Variants in HAT1 observed in about 807,000 individuals in gnomAD.
HAT1 encodes histone acetyltransferase type B catalytic subunit.
Under a neutral mutation model 56.6 loss-of-function variants are expected in HAT1, and 20 were observed. The ratio of observed to expected loss-of-function variants is 0.35; its 90% CI spans 0.25 to 0.51. The LOEUF is 0.51. Among genes scored for constraint, HAT1 ranks in the 20% least tolerant of loss-of-function variants. The probability of loss-of-function intolerance (pLI) is 0.95; values close to 1 mark genes in which losing one functional copy is unlikely to be tolerated. For missense variants in HAT1, 408 were observed against 504.3 expected, an observed-to-expected ratio of 0.81 and a Z score of 1.83; for synonymous variants, 146 against 165.5, an observed-to-expected ratio of 0.88 and a Z score of 0.91.
chr2:171,974,195 A>G (rs1351381878), intron 8 of HAT1, among the ~76,000 whole-genome samples: 17 of 57,082 alleles, frequency 3.0e-4, no homozygotes, highest in African/African-American at 5.4e-4. Flanking sequence ...AAAAAAAAGA[A>G]AAAAAGAAAA....
intron 2 of HAT1, among the ~76,000 whole-genome samples, chr2:171,942,306 AAGT>A (rs1687038563): frequency 6.6e-6 from 1 of 152,224 alleles, no homozygotes; most frequent in South Asian, 2.1e-4. Flanking sequence ...AAAATTTGGA[AAGT>A]AGATAAAAGT....
chr2:171,965,567 C>T (rs765160559), intron 5 of HAT1, 50 bp downstream of exon 5: 9 of 1,219,272 alleles, frequency 7.4e-6, no homozygotes, highest in Non-Finnish European at 1.0e-5. Context: ...TTGCCTGAAA[C>T]CTGTATGTAG....
chr2:171,945,950 A>G (rs1236850039), intron 2 of HAT1, among the ~76,000 whole-genome samples: 1 of 152,096 alleles, frequency 6.6e-6, no homozygotes, highest in Non-Finnish European at 1.5e-5. Context: ...GATTACAGGC[A>G]TGAGCCACTG....
At chr2:171,972,582 A>G (rs2105341323) in intron 8 of HAT1, among the ~76,000 whole-genome samples, 1 of 152,300 alleles carries the variant, frequency 6.6e-6, no homozygotes, top group Middle Eastern at 3.4e-3. Context: ...ACAAAGTTAT[A>G]GCAGGTGCCC....
chr2:171,967,692 A>T (rs1045925272), intron 8 of HAT1, among the ~76,000 whole-genome samples: 2 of 152,092 alleles, frequency 1.3e-5, no homozygotes, highest in Non-Finnish European at 2.9e-5. Flanking sequence ...TTGCTGATGA[A>T]ACTGAAAGTT....
intron 2 of HAT1, among the ~76,000 whole-genome samples, chr2:171,939,908 A>T (rs1686977440): frequency 6.6e-6 from 1 of 151,678 alleles, no homozygotes; most frequent in Non-Finnish European, 1.5e-5. Context: ...TCTGCCTGGG[A>T]CTACAGGCAC....
chr2:171,954,212 G>A (rs951259937), intron 4 of HAT1, among the ~76,000 whole-genome samples: 2 of 152,120 alleles, frequency 1.3e-5, no homozygotes, highest in Non-Finnish European at 2.9e-5. Context: ...AGAAGATGGA[G>A]GGAAATAGCT....
intron 9 of HAT1, among the ~76,000 whole-genome samples, chr2:171,977,342 A>C (rs780152452): frequency 1.4e-5 from 2 of 140,336 alleles, no homozygotes; most frequent in Non-Finnish European, 3.1e-5. Context: ...CGTGCCTGTA[A>C]TCCCAGCTAC....
intron 8 of HAT1, among the ~76,000 whole-genome samples, chr2:171,973,950 C>T (rs1390314335): frequency 6.6e-6 from 1 of 151,972 alleles, no homozygotes; most frequent in Non-Finnish European, 1.5e-5. Context: ...GAGGCCACAG[C>T]AGGTGGATCG....
chr2:171,948,676 G>A (rs1687231246), intron 3 of HAT1, among the ~76,000 whole-genome samples: 1 of 152,100 alleles, frequency 6.6e-6, no homozygotes, highest in East Asian at 1.9e-4. Context: ...TCTTTAATCT[G>A]AAACAGATCC....
chr2:171,963,575 AT>A (rs1018252572), intron 4 of HAT1, among the ~76,000 whole-genome samples: 1 of 152,216 alleles, frequency 6.6e-6, no homozygotes, highest in African/African-American at 2.4e-5. Context: ...TCTTAAAGTG[AT>A]TTTTAAACTG....
At chr2:171,972,223 TTTTG>T (rs1053950604) in intron 8 of HAT1, among the ~76,000 whole-genome samples, 6 of 151,880 alleles carry the variant, frequency 4.0e-5, no homozygotes, top group Admixed American at 2.0e-4. Context: ...TGTTTTTTTT[TTTTG>T]TTTGTTTGTT....
chr2:171,974,200 AGAAAAAG>A (rs1304013846), intron 8 of HAT1, among the ~76,000 whole-genome samples: 162 of 84,616 alleles, frequency 1.9e-3, no homozygotes, highest in Middle Eastern at 7.5e-3. Flanking sequence ...AAAGAAAAAA[AGAAAAAG>A]AAAAAAAAAA....
chr2:171,925,482 G>T lies in HAT1; in HGVS notation c.8-55G>T. On this transcript the variant is annotated intron_variant, in intron 1 of 10. Coordinates refer to ENST00000264108, the MANE Select transcript of HAT1 (RefSeq NM_003642.4). Reference sequence around the variant, plus strand: ...TCCACTTATAATAACCCTATTGCAGGTTTGACAATTTAAGTCACTTCCAAA... The same window carrying T: ...TCCACTTATAATAACCCTATTGCAGTTTTGACAATTTAAGTCACTTCCAAA... 9 of 803,824 alleles carry T rather than the reference G, an allele frequency of 1.1e-5. No individual in the cohort carries two copies. The South Asian group carries it at 1.2e-4, about 11-fold the overall frequency. The allele number at this position is 803,824 out of a possible 1,614,324, so 49.8% of individuals were successfully genotyped here. A position where few individuals can be genotyped will look rare whatever the true frequency, so the allele number is the denominator to read the frequency against.
chr2:171,969,996 A>AT (rs1396904294), intron 8 of HAT1, among the ~76,000 whole-genome samples: 1 of 151,890 alleles, frequency 6.6e-6, no homozygotes, highest in Non-Finnish European at 1.5e-5. Flanking sequence ...CTATAAAAAA[A>AT]TTTTTTTTAA....
intron 2 of HAT1, among the ~76,000 whole-genome samples, chr2:171,932,711 A>G (rs565269705): frequency 6.6e-6 from 1 of 152,216 alleles, no homozygotes; most frequent in Admixed American, 6.5e-5. Context: ...ATAAAATAAA[A>G]TTTAAAAATT....
chr2:171,946,365 T>C (rs1403645642), intron 2 of HAT1, among the ~76,000 whole-genome samples: 2 of 152,266 alleles, frequency 1.3e-5, no homozygotes, highest in Admixed American at 6.5e-5. Flanking sequence ...CTGTAACTTC[T>C]TACCTCAAAG....
chr2:171,980,081 C>T (rs2105349612), intron 10 of HAT1: 1 of 152,310 alleles, frequency 6.6e-6, no homozygotes, highest in Non-Finnish European at 1.5e-5. Flanking sequence ...TGTGCCACTG[C>T]ACTTCAGCCT....
chr2:171,977,544 TATATATA>T (rs1406468587), intron 9 of HAT1, among the ~76,000 whole-genome samples: 1 of 14,582 alleles, frequency 6.9e-5, no homozygotes, highest in African/African-American at 3.2e-4. Context: ...TATATATATA[TATATATA>T]TATATATTTT....
Sources: allele counts gnomAD v4.1 joint callset (sites outside exome capture counted in the v4.1 genomes callset), GRCh38; gene constraint gnomAD v4.1.1; transcripts MANE v1.5; gene names NCBI Gene and HGNC (gene_info 2026-07-23, HGNC 2026-07-21).